SOCS5: variants seen among roughly 807,000 people sequenced by gnomAD.
The protein encoded by SOCS5 is suppressor of cytokine signaling 5, also known as CIS-6.
In SOCS5, 32 loss-of-function variants were observed where a neutral mutation model predicts 42.8. The ratio of observed to expected loss-of-function variants is 0.75; its 90% CI spans 0.56 to 1.01. The LOEUF is 1.01. Among genes scored for constraint, SOCS5 ranks in the 50% least tolerant of loss-of-function variants. The probability of loss-of-function intolerance (pLI) is 0.00; values close to 1 mark genes in which losing one functional copy is unlikely to be tolerated. For synonymous variants in SOCS5, 283 were observed against 229.6 expected, an observed-to-expected ratio of 1.23 and a Z score of -2.10; for missense variants, 627 against 653.0, an observed-to-expected ratio of 0.96 and a Z score of 0.43.
At chr2:46,709,188 C>A (rs1672560574) in intron 1 of SOCS5, among the ~76,000 whole-genome samples, 1 of 152,090 alleles carries the variant, frequency 6.6e-6, no homozygotes. Flanking sequence ...CTATCTATTC[C>A]AGAGCATCCC....
At chr2:46,733,163 C>T (rs1358442077) in intron 1 of SOCS5, among the ~76,000 whole-genome samples, 1 of 152,026 alleles carries the variant, frequency 6.6e-6, no homozygotes, top group Non-Finnish European at 1.5e-5. Context: ...GGCGCGATCT[C>T]AGCTCACTGC....
chr2:46,738,035 T>C (rs1338135331), intron 1 of SOCS5, among the ~76,000 whole-genome samples: 1 of 152,212 alleles, frequency 6.6e-6, no homozygotes, highest in Non-Finnish European at 1.5e-5. Context: ...TAAACCCTTT[T>C]AGAGAAATCA....
intron 1 of SOCS5, among the ~76,000 whole-genome samples, chr2:46,701,200 A>G (rs542057047): frequency 1.3e-5 from 2 of 152,338 alleles, no homozygotes; most frequent in Non-Finnish European, 1.5e-5. Flanking sequence ...CTTGAGAATC[A>G]TCTATGGCAA....
chr2:46,734,548 A>G (rs1202831031), intron 1 of SOCS5, among the ~76,000 whole-genome samples: 1 of 152,212 alleles, frequency 6.6e-6, no homozygotes, highest in Non-Finnish European at 1.5e-5. Flanking sequence ...CCATTACCGA[A>G]GTATACATTT....
chr2:46,704,409 G>A (rs1672415364), intron 1 of SOCS5, among the ~76,000 whole-genome samples: 2 of 152,188 alleles, frequency 1.3e-5, no homozygotes, highest in South Asian at 2.1e-4. Flanking sequence ...GAAATGATAC[G>A]GGAACTGCAG....
intron 1 of SOCS5, among the ~76,000 whole-genome samples, chr2:46,712,374 C>T (rs1207573417): frequency 6.7e-5 from 8 of 120,264 alleles, no homozygotes; most frequent in African/African-American, 9.1e-5. Context: ...GACACAGTCT[C>T]GCTCTGTTGC....
chr2:46,727,978 AAAC>A (rs1205314471), intron 1 of SOCS5, among the ~76,000 whole-genome samples: 1 of 152,124 alleles, frequency 6.6e-6, no homozygotes. Context: ...TACTCTCTTG[AAAC>A]AACAGCTTCT....
At chr2:46,750,974 A>G (rs12329330) in intron 1 of SOCS5, among the ~76,000 whole-genome samples, 8,331 of 152,272 alleles carry the variant, frequency 0.055, 301 homozygotes, top group Middle Eastern at 0.18. Context: ...AAAGAACTTA[A>G]TGACACTATT....
At position 46,756,898 on chromosome 2, in the gene SOCS5, G is replaced by A. The variant is rs573038725; in HGVS notation, c.-12-1621G>A. Among the ~76,000 whole-genome samples the A allele has an allele frequency of 9.9e-5, 15 of 152,274 alleles. No individual in the cohort carries two copies. The South Asian group carries it at 2.1e-3, about 21-fold the overall frequency. Reference sequence around the variant, plus strand: ...CGTAAACCTCATAAAAAATGCTTACGAGAGAGATTTTTGCAAGACAGAGGA... The same window carrying A: ...CGTAAACCTCATAAAAAATGCTTACAAGAGAGATTTTTGCAAGACAGAGGA... On this transcript the variant is annotated intron_variant, in intron 1 of 1. Transcript: ENST00000394861.
In SOCS5 at chr2:46,759,812, G is replaced by T; in HGVS notation, c.1282G>T (p.Ala428Ser). The change falls in exon 2 of 2, where the codon GCC (alanine) becomes TCC (serine). Residue 428 changes from alanine (A) to serine (S), a missense_variant. Physicochemically the swap from Ala to Ser is moderately conservative, Grantham distance 99. Coordinates refer to ENST00000394861, the MANE Select transcript of SOCS5 (RefSeq NM_144949.3). ...SFRRYNRSLH[A>S]RIEQWNHNFS... ...CCGCCGCTACAACAGATCCCTGCATGCCCGAATTGAGCAGTGGAATCACAA... is the reference window on the plus strand; with the variant it reads ...CCGCCGCTACAACAGATCCCTGCATTCCCGAATTGAGCAGTGGAATCACAA... The T allele has an allele frequency of 1.9e-6, 3 of 1,614,178 alleles. No individual in the cohort carries two copies. Among genetic ancestry groups the T allele is most frequent in the Non-Finnish European group, 1.7e-6 (2 of 1,180,022 alleles).
At position 46,758,723 on chromosome 2, in the gene SOCS5, T is replaced by G; in HGVS notation, c.193T>G (p.Leu65Val). 6.2e-7 allele frequency: 1 copy of G among 1,614,130 alleles called. No homozygotes were observed. The highest frequency in any genetic ancestry group is 8.5e-7 in the Non-Finnish European group (1 of 1,179,982). Residue 65 changes from leucine to valine, a missense_variant, in exon 2 of 2, where the codon TTA (leucine) becomes GTA (valine). This residue lies in a region of SOCS5 where 278 missense variants were observed against 246.3 expected (regional missense o/e 1.13). Transcript: ENST00000394861. ...CAGTCCCTTAAGAGAAAATATTGCC[T>G]TACAACTGGGATTAAGCCCTTCGAA... Reference protein sequence around the residue: ...QSSPLRENIALQLGLSPSKNS... With the variant: ...QSSPLRENIAVQLGLSPSKNS...
At chr2:46,740,942 A>G (rs1673360578) in intron 1 of SOCS5, among the ~76,000 whole-genome samples, 1 of 152,158 alleles carries the variant, frequency 6.6e-6, no homozygotes, top group Non-Finnish European at 1.5e-5. Context: ...CCTTGCAACC[A>G]GAAGAGACTC....
At chr2:46,729,604 T>C (rs1249369372) in intron 1 of SOCS5, among the ~76,000 whole-genome samples, 1 of 152,190 alleles carries the variant, frequency 6.6e-6, no homozygotes, top group Admixed American at 6.5e-5. Context: ...CAGTATAAAA[T>C]ATTTTTAAAT....
intron 1 of SOCS5, among the ~76,000 whole-genome samples, chr2:46,729,376 GTCATTAAGCGATTTCA>G (rs1673064176): frequency 6.6e-6 from 1 of 152,196 alleles, no homozygotes. Context: ...TGGGAAGTAT[GTCATTAAGCGATTTCA>G]TTGTTCGACC....
intron 1 of SOCS5, among the ~76,000 whole-genome samples, chr2:46,715,368 T>C (rs1357097626): frequency 1.4e-4 from 18 of 127,810 alleles, no homozygotes; most frequent in Non-Finnish European, 7.1e-5. Context: ...AGTAACACCC[T>C]GTCAAAAAAA....
At chr2:46,713,938 C>G (rs1161499863) in intron 1 of SOCS5, among the ~76,000 whole-genome samples, 1 of 152,072 alleles carries the variant, frequency 6.6e-6, no homozygotes, top group Admixed American at 6.5e-5. Context: ...AAATAATTTT[C>G]AAATATTTGG....
At chr2:46,716,549 C>T (rs113520467) in intron 1 of SOCS5, among the ~76,000 whole-genome samples, 2,354 of 151,982 alleles carry the variant, frequency 0.015, 62 homozygotes, top group African/African-American at 0.054. Flanking sequence ...GCAAACATGG[C>T]GCACTGCAGC....
At chr2:46,708,485 A>G (rs1325335129) in intron 1 of SOCS5, among the ~76,000 whole-genome samples, 3 of 152,236 alleles carry the variant, frequency 2.0e-5, no homozygotes, top group Non-Finnish European at 4.4e-5. Context: ...TTGAAGGCAT[A>G]TATTTTGTAG....
At chr2:46,722,525 G>A (rs1672906850) in intron 1 of SOCS5, among the ~76,000 whole-genome samples, 1 of 152,072 alleles carries the variant, frequency 6.6e-6, no homozygotes, top group Non-Finnish European at 1.5e-5. Context: ...CCATTTTGTT[G>A]CTCAAGAGTA....
Sources: gnomAD v4.1 joint callset for allele counts (sites outside exome capture counted in the v4.1 genomes callset) on GRCh38, gnomAD v4.1.1 for gene constraint, gnomAD v4.1.1 regional missense constraint, MANE v1.5 for transcripts, NCBI Gene and HGNC (gene_info 2026-07-23, HGNC 2026-07-21) for gene names.